Variants in PKHD1 observed in about 807,000 individuals in gnomAD.
PKHD1 encodes fibrocystin.
Under a neutral mutation model 412.0 loss-of-function variants are expected in PKHD1, and 291 were observed. The ratio of observed to expected loss-of-function variants is 0.71; its 90% CI spans 0.64 to 0.78. The LOEUF (loss-of-function observed/expected upper bound fraction) is 0.78. Among genes scored for constraint, PKHD1 ranks in the 30% least tolerant of loss-of-function variants. PKHD1 has a pLI of 0.00. For synonymous variants in PKHD1, 1,777 were observed against 1,821.5 expected (o/e 0.98, Z 0.62); for missense variants, 4,825 against 4,950.7 (o/e 0.97, Z 0.76).
chr6:51,710,627 T>A (rs142766898), intron 60 of PKHD1, among the ~76,000 whole-genome samples: 86 of 152,288 alleles, frequency 5.6e-4, no homozygotes, highest in African/African-American at 1.8e-3. Flanking sequence ...GCCAAACTCA[T>A]TAAACATATA....
chr6:51,840,528 C>T (rs1483722041), intron 50 of PKHD1, among the ~76,000 whole-genome samples: 1 of 152,118 alleles, frequency 6.6e-6, no homozygotes, highest in Non-Finnish European at 1.5e-5. Flanking sequence ...AATTGTTATT[C>T]TGACTCAGAG....
In PKHD1 at chr6:51,874,852, C is replaced by T. The variant is rs553071208; in HGVS notation, c.7351-4213G>A. 6.6e-4 allele frequency among the ~76,000 whole-genome samples: 70 copies of T among 105,752 alleles called. 13 individuals are homozygous for T. Among genetic ancestry groups the T allele is most frequent in the African/African-American group, 2.3e-3 (62 of 26,728 alleles). The allele number at this position is 105,752 out of a possible 152,430, so 69.4% of individuals were successfully genotyped here. A position where few individuals can be genotyped will look rare whatever the true frequency, so the allele number is the denominator to read the frequency against. ...ATTTCTGCATTTCCATCTGAGGTAC[C>T]GGGTTCATCTCACTAGGGAGTGCCA... is the stretch of plus-strand genomic sequence containing the variant. On this transcript the variant is annotated intron_variant, in intron 46 of 66. Coordinates refer to ENST00000371117, the MANE Select transcript of PKHD1 (RefSeq NM_138694.4).
chr6:51,938,970 G>T (rs190332581), intron 36 of PKHD1, among the ~76,000 whole-genome samples: 2 of 151,398 alleles, frequency 1.3e-5, no homozygotes, highest in African/African-American at 4.8e-5. Context: ...CAGAAGATGC[G>T]TTTTATCCAT....
intron 19 of PKHD1, 106 bp from the exon 20 acceptor site, chr6:52,054,271 A>G: frequency 9.4e-7 from 1 of 1,067,648 alleles, no homozygotes; most frequent in Non-Finnish European, 1.4e-6. Context: ...ATAGGCTCTG[A>G]GAGAGTCAGC....
chr6:51,914,556 C>T (rs1476074438), intron 37 of PKHD1, among the ~76,000 whole-genome samples: 1 of 152,086 alleles, frequency 6.6e-6, no homozygotes, highest in Non-Finnish European at 1.5e-5. Context: ...GCTTTTATTC[C>T]TTTAAGTATT....
At chr6:52,051,801 C>T (rs1806882095) in intron 21 of PKHD1, among the ~76,000 whole-genome samples, 1 of 122,094 alleles carries the variant, frequency 8.2e-6, no homozygotes, top group Admixed American at 9.7e-5. Context: ...GAAATTGAGG[C>T]AGCACTTGGG....
rs1267055041 is a variant in PKHD1 at position 52,056,626 on chromosome 6, A to G, written c.1693+72T>C. The G allele has an allele frequency of 1.1e-5, 12 of 1,130,822 alleles. No individual in the cohort carries two copies. The Middle Eastern group carries it at 5.9e-4, about 55-fold the overall frequency. 70.0% of individuals were successfully genotyped at this position (1,130,822 alleles called of 1,614,324 possible). A position where few individuals can be genotyped will look rare whatever the true frequency, so the allele number is the denominator to read the frequency against. On this transcript the variant is annotated intron_variant, in intron 18 of 66. Transcript: ENST00000371117. The stretch of plus-strand genomic sequence containing the variant: ...TTATCACCTTGGAGAGGAAATGGGG[A>G]TTGTTCTCATTTTATAGAAAGAAAG...
intron 50 of PKHD1, among the ~76,000 whole-genome samples, chr6:51,847,358 A>C (rs760092666): frequency 6.7e-6 from 1 of 149,906 alleles, no homozygotes; most frequent in Non-Finnish European, 1.5e-5. Flanking sequence ...CCATCTTTAC[A>C]TGTGCAGTTG....
At chr6:51,904,332 A>G (rs1781743692) in intron 41 of PKHD1, among the ~76,000 whole-genome samples, 1 of 152,144 alleles carries the variant, frequency 6.6e-6, no homozygotes, top group Non-Finnish European at 1.5e-5. Context: ...TGTCAACACC[A>G]ACCCCATTCC....
intron 38 of PKHD1, 138 bp from the exon 39 acceptor site, chr6:51,912,094 C>T (rs1279819839): frequency 5.4e-6 from 4 of 742,396 alleles, no homozygotes; most frequent in Non-Finnish European, 9.1e-6. Context: ...AAATAGTGAA[C>T]TATAGACACA....
intron 60 of PKHD1, among the ~76,000 whole-genome samples, chr6:51,711,867 A>G (rs1780697939): frequency 6.6e-6 from 1 of 152,230 alleles, no homozygotes. Context: ...TGCAAATATG[A>G]GGCATCTCCT....
intron 48 of PKHD1, among the ~76,000 whole-genome samples, chr6:51,860,382 C>T (rs964788122): frequency 1.3e-5 from 2 of 152,200 alleles, no homozygotes; most frequent in African/African-American, 4.8e-5. Context: ...ACCAAAAGAA[C>T]ATCAAGAGTC....
At chr6:52,011,001 A>G (rs1401065734) in intron 34 of PKHD1, among the ~76,000 whole-genome samples, 5 of 152,142 alleles carry the variant, frequency 3.3e-5, no homozygotes, top group Admixed American at 6.6e-5. Context: ...CCCCCTTCCC[A>G]GCTGATGGCA....
At chr6:51,834,461 G>T (rs1418043919) in intron 51 of PKHD1, among the ~76,000 whole-genome samples, 1 of 152,016 alleles carries the variant, frequency 6.6e-6, no homozygotes, top group African/African-American at 2.4e-5. Flanking sequence ...TTAACACATA[G>T]ATAGATGGTT....
intron 37 of PKHD1, among the ~76,000 whole-genome samples, chr6:51,927,770 C>T (rs922346175): frequency 4.6e-5 from 7 of 152,130 alleles, no homozygotes; most frequent in African/African-American, 1.7e-4. Context: ...ATAAGTGAAA[C>T]ATCTTTCATG....
At position 51,871,839 on chromosome 6, in the gene PKHD1, A is replaced by C. The variant is rs1454935116; in HGVS notation, c.7351-1200T>G. ...ATTTGAGGATTACCAGAATTTTTGCAATCACTCCCAACATGAAAAATGATG... is the reference window on the plus strand; with the variant it reads ...ATTTGAGGATTACCAGAATTTTTGCCATCACTCCCAACATGAAAAATGATG... On this transcript the variant is annotated intron_variant, in intron 46 of 66. Coordinates refer to ENST00000371117, the MANE Select transcript of PKHD1 (RefSeq NM_138694.4). 1.7e-5 allele frequency among the ~76,000 whole-genome samples: 2 copies of C among 118,292 alleles called. 1 individual carries two copies. The highest frequency in any genetic ancestry group is 4.2e-5 in the Non-Finnish European group (2 of 47,730). 77.6% of individuals were successfully genotyped at this position (118,292 alleles called of 152,430 possible). A position where few individuals can be genotyped will look rare whatever the true frequency, so the allele number is the denominator to read the frequency against.
At chr6:51,925,455 A>ATG (rs70977319) in intron 37 of PKHD1, among the ~76,000 whole-genome samples, 18,522 of 144,936 alleles carry the variant, frequency 0.13, 1,374 homozygotes, top group Non-Finnish European at 0.18. Context: ...GTGTGTGTGT[A>ATG]TGTGTGTGTG....
Position 51,976,567 on chromosome 6 carries a change from C to T in PKHD1, c.5752-16541G>A, listed in dbSNP as rs535923913. Among the ~76,000 whole-genome samples the T allele has an allele frequency of 4.6e-5, 7 of 152,242 alleles. No homozygotes were observed. The South Asian group carries it at 8.3e-4, about 18-fold the overall frequency. Reference sequence around the variant, plus strand: ...ACATCCTTGAGACGGATGCTCGTGACGGTTACGCAACAATCTAGATGTACT... The same window carrying T: ...ACATCCTTGAGACGGATGCTCGTGATGGTTACGCAACAATCTAGATGTACT... On this transcript the variant is annotated intron_variant, in intron 35 of 66. Coordinates refer to ENST00000371117, the MANE Select transcript of PKHD1 (RefSeq NM_138694.4).
intron 36 of PKHD1, among the ~76,000 whole-genome samples, chr6:51,948,472 C>T (rs999130557): frequency 1.1e-4 from 17 of 152,184 alleles, no homozygotes; most frequent in Non-Finnish European, 2.2e-4. Flanking sequence ...TTCACCTCTC[C>T]TGCTGCATTT....
Sources: gnomAD v4.1 joint callset for allele counts (sites outside exome capture counted in the v4.1 genomes callset) on GRCh38, gnomAD v4.1.1 for gene constraint, MANE v1.5 for transcripts, NCBI Gene and HGNC (gene_info 2026-07-23, HGNC 2026-07-21) for gene names.